The following LRP1B variants were observed in gnomAD, a reference collection of about 807,000 sequenced individuals.
LRP1B encodes LDL receptor related protein 1B, also known as low-density lipoprotein receptor-related protein 1B.
Under a neutral mutation model 556.6 loss-of-function variants are expected in LRP1B, and 217 were observed. The observed-to-expected ratio is 0.39, with a 90% confidence interval of 0.35 to 0.44. The LOEUF (loss-of-function observed/expected upper bound fraction) is 0.44. Among genes scored for constraint, LRP1B ranks in the 20% least tolerant of loss-of-function variants. LRP1B has a pLI of 1.00. For missense variants in LRP1B, 5,053 were observed against 5,620.8 expected, an observed-to-expected ratio of 0.90 and a Z score of 3.23; for synonymous variants, 2,047 against 1,865.8, an observed-to-expected ratio of 1.10 and a Z score of -2.50.
intron 2 of LRP1B, among the ~76,000 whole-genome samples, chr2:141,578,617 G>C (rs996722994): frequency 6.6e-6 from 1 of 152,058 alleles, no homozygotes; most frequent in Non-Finnish European, 1.5e-5. Context: ...ATACTTAAAA[G>C]CTAGGATAGA....
chr2:140,972,969 A>G (rs866525389), intron 18 of LRP1B, among the ~76,000 whole-genome samples: 2 of 148,006 alleles, frequency 1.4e-5, no homozygotes, highest in South Asian at 4.2e-4. Flanking sequence ...TACATATAAT[A>G]CATATATGTA....
At chr2:141,944,997 A>G (rs1700912860) in intron 1 of LRP1B, among the ~76,000 whole-genome samples, 2 of 152,210 alleles carry the variant, frequency 1.3e-5, no homozygotes, top group Admixed American at 1.3e-4. Flanking sequence ...ATTGGATTCT[A>G]TAAGGCACAT....
At position 142,092,326 on chromosome 2, in the gene LRP1B, T is replaced by A. The variant is rs933117706; in HGVS notation, c.82+38322A>T. Reference sequence around the variant, plus strand: ...TAACTAAGCCTACATTTTAAAAAAATTGCTAGTTTTTGGATTTTTTTGGCA... The same window carrying A: ...TAACTAAGCCTACATTTTAAAAAAAATGCTAGTTTTTGGATTTTTTTGGCA... On this transcript the variant is annotated intron_variant, in intron 1 of 90. Transcript: ENST00000389484. Among the ~76,000 whole-genome samples the A allele has an allele frequency of 8.1e-5, 8 of 98,564 alleles. No homozygotes were observed. In the East Asian group the frequency reaches 2.2e-3, roughly 28 times the overall value. 64.7% of individuals were successfully genotyped at this position (98,564 alleles called of 152,430 possible). A position where few individuals can be genotyped will look rare whatever the true frequency, so the allele number is the denominator to read the frequency against.
At chr2:141,592,916 A>G (rs1687391663) in intron 2 of LRP1B, among the ~76,000 whole-genome samples, 1 of 152,214 alleles carries the variant, frequency 6.6e-6, no homozygotes, top group Admixed American at 6.5e-5. Flanking sequence ...TTCACAATGT[A>G]TAATAGGAAA....
intron 1 of LRP1B, among the ~76,000 whole-genome samples, chr2:141,849,846 A>C (rs1697782854): frequency 6.6e-6 from 1 of 151,716 alleles, no homozygotes; most frequent in South Asian, 2.1e-4. Flanking sequence ...GGATGTATAT[A>C]CCATTTATGA....
chr2:140,291,265 C>A (rs1683359907), intron 84 of LRP1B, among the ~76,000 whole-genome samples: 1 of 128,144 alleles, frequency 7.8e-6, no homozygotes, highest in Non-Finnish European at 1.7e-5. Context: ...TTCTTCTTAT[C>A]TCAGCTTAGA....
intron 37 of LRP1B, among the ~76,000 whole-genome samples, chr2:140,709,151 C>A (rs2105445973): frequency 6.6e-6 from 1 of 152,052 alleles, no homozygotes; most frequent in African/African-American, 2.4e-5. Flanking sequence ...AACTTTTCAG[C>A]ACATTATTTA....
At chr2:141,861,899 T>C (rs1698255015) in intron 1 of LRP1B, among the ~76,000 whole-genome samples, 1 of 151,430 alleles carries the variant, frequency 6.6e-6, no homozygotes, top group African/African-American at 2.4e-5. Context: ...CACTGCACTT[T>C]AGCCTGGGCA....
intron 35 of LRP1B, among the ~76,000 whole-genome samples, chr2:140,722,899 C>T (rs533484754): frequency 2.8e-4 from 43 of 152,092 alleles, no homozygotes; most frequent in African/African-American, 7.2e-4. Flanking sequence ...AAAAATTAGC[C>T]GGGCATGTTG....
chr2:140,894,065 T>G (rs1693877451), intron 23 of LRP1B, among the ~76,000 whole-genome samples: 1 of 152,196 alleles, frequency 6.6e-6, no homozygotes. Flanking sequence ...TGTAAATGTG[T>G]CATTTTTTAA....
At chr2:140,406,296 T>C (rs1038764100) in intron 66 of LRP1B, among the ~76,000 whole-genome samples, 2 of 152,004 alleles carry the variant, frequency 1.3e-5, no homozygotes, top group Non-Finnish European at 2.9e-5. Context: ...ATAAGGATGT[T>C]CACTTTCACC....
intron 1 of LRP1B, among the ~76,000 whole-genome samples, chr2:141,945,276 C>T (rs1700920570): frequency 6.6e-6 from 1 of 151,920 alleles, no homozygotes; most frequent in African/African-American, 2.4e-5. Flanking sequence ...TACTAATGTC[C>T]TCATGGATAA....
intron 3 of LRP1B, among the ~76,000 whole-genome samples, chr2:141,337,173 T>C (rs1339830936): frequency 6.6e-6 from 1 of 152,198 alleles, no homozygotes; most frequent in Non-Finnish European, 1.5e-5. Context: ...AAGATGAGTT[T>C]CAATTGCTCT....
intron 66 of LRP1B, among the ~76,000 whole-genome samples, chr2:140,406,508 A>G (rs1394078818): frequency 6.6e-6 from 1 of 152,136 alleles, no homozygotes; most frequent in Non-Finnish European, 1.5e-5. Flanking sequence ...TCAAGTTACA[A>G]AGTCAATGTA....
chr2:141,764,433 C>T (rs1301055876), intron 2 of LRP1B, among the ~76,000 whole-genome samples: 1 of 152,144 alleles, frequency 6.6e-6, no homozygotes, highest in Non-Finnish European at 1.5e-5. Context: ...CCACCTGCCT[C>T]GGCCTCCCAA....
intron 20 of LRP1B, among the ~76,000 whole-genome samples, chr2:140,926,456 C>A (rs1694888755): frequency 6.6e-6 from 1 of 152,032 alleles, no homozygotes; most frequent in Non-Finnish European, 1.5e-5. Flanking sequence ...GTTCTCCCAC[C>A]TCAGCCTCTC....
chr2:141,175,584 G>GA (rs1205055601), intron 7 of LRP1B, among the ~76,000 whole-genome samples: 2 of 152,170 alleles, frequency 1.3e-5, no homozygotes. Context: ...GTGGATGTAT[G>GA]AAAACGTTTG....
chr2:142,079,499 CTT>C (rs56306746), intron 1 of LRP1B, among the ~76,000 whole-genome samples: 8 of 150,942 alleles, frequency 5.3e-5, no homozygotes, highest in African/African-American at 1.7e-4. Context: ...CTTTCTTTCT[CTT>C]TTTTTTTATT....
At chr2:140,934,594 T>C (rs1158018232) in intron 20 of LRP1B, among the ~76,000 whole-genome samples, 2 of 152,136 alleles carry the variant, frequency 1.3e-5, no homozygotes, top group Non-Finnish European at 2.9e-5. Context: ...CCCCGTTCTA[T>C]GGCAAACAAT....
Sources: allele counts gnomAD v4.1 joint callset (sites outside exome capture counted in the v4.1 genomes callset), GRCh38; gene constraint gnomAD v4.1.1; transcripts MANE v1.5; gene names NCBI Gene and HGNC (gene_info 2026-07-23, HGNC 2026-07-21).